The following PCDHGA3 variants were observed in gnomAD, a reference collection of about 807,000 sequenced individuals.
PCDHGA3 encodes protocadherin gamma subfamily A, 3.
Under a neutral mutation model 58.5 loss-of-function variants are expected in PCDHGA3, and 40 were observed. The observed-to-expected ratio is 0.68, with a 90% confidence interval of 0.53 to 0.89. PCDHGA3 has a LOEUF of 0.89. PCDHGA3 is among the 40% of genes least tolerant of loss of function. The pLI is 0.00. For missense variants in PCDHGA3, 1,223 were observed against 1,195.9 expected (o/e 1.02, Z -0.33); for synonymous variants, 530 against 525.7 (o/e 1.01, Z -0.11).
At chr5:141,478,236 TCA>T in intron 1 of PCDHGA3, 3 of 1,614,156 alleles carry the variant, frequency 1.9e-6, no homozygotes, top group Non-Finnish European at 2.5e-6. Flanking sequence ...GGGTTTGTGG[TCA>T]CAGTGTTCGG....
intron 1 of PCDHGA3, chr5:141,408,721 C>T (rs994778084): frequency 6.2e-7 from 1 of 1,611,372 alleles, no homozygotes; most frequent in Non-Finnish European, 8.5e-7. Flanking sequence ...ATAAGATAAA[C>T]TCTAATCCTT....
Position 141,399,737 on chromosome 5 carries a change from C to T in PCDHGA3, c.2424+53280C>T, listed in dbSNP as rs888467903. The T allele has an allele frequency of 2.5e-6, 4 of 1,613,296 alleles. No homozygotes were observed. In the South Asian group the frequency reaches 3.3e-5, roughly 13 times the overall value. On this transcript the variant is annotated intron_variant, in intron 1 of 3. Coordinates refer to ENST00000253812, the MANE Select transcript of PCDHGA3 (RefSeq NM_018916.4). Reference sequence around the variant, plus strand: ...CAGGCCCGCGACCAGGGCTCGCCTGCGCTCAGCGCAAACGTGAGCCTGCGC... The same window carrying T: ...CAGGCCCGCGACCAGGGCTCGCCTGTGCTCAGCGCAAACGTGAGCCTGCGC...
At chr5:141,484,789 A>T (rs1215899787) in intron 1 of PCDHGA3, among the ~76,000 whole-genome samples, 1 of 152,132 alleles carries the variant, frequency 6.6e-6, no homozygotes, top group Non-Finnish European at 1.5e-5. Flanking sequence ...CCACAGAGAT[A>T]ACAACCCGTG....
chr5:141,432,050 C>T lies in PCDHGA3; in HGVS notation c.2425-62757C>T. The stretch of plus-strand genomic sequence containing the variant: ...GACCGCCACTGACCGGGGAACCCCG[C>T]CCCTATCCACGGAAACTCATATCTC... On this transcript the variant is annotated intron_variant, in intron 1 of 3. Transcript: ENST00000253812. The surrounding 1 kb of genome is among the most constrained non-coding windows in gnomAD (Gnocchi z 6.0). The T allele has an allele frequency of 6.2e-7, 1 of 1,614,218 alleles. No individual in the cohort carries two copies. The highest frequency in any genetic ancestry group is 8.5e-7 in the Non-Finnish European group (1 of 1,180,044).
intron 1 of PCDHGA3, chr5:141,392,764 C>T (rs1589161528): frequency 1.4e-6 from 2 of 1,480,722 alleles, no homozygotes; most frequent in South Asian, 2.8e-5. Context: ...CTAAATAAGA[C>T]CCATTTATGC....
chr5:141,460,624 T>TA (rs1464862917), intron 1 of PCDHGA3, among the ~76,000 whole-genome samples: 2 of 152,128 alleles, frequency 1.3e-5, no homozygotes, highest in African/African-American at 4.8e-5. Context: ...GATAGACAGA[T>TA]ACAGATATAT....
At chr5:141,392,851 T>C in intron 1 of PCDHGA3, 1 of 1,611,148 alleles carries the variant, frequency 6.2e-7, no homozygotes, top group Non-Finnish European at 8.5e-7. Context: ...CGCGGCGAGC[T>C]GATCCTGCTG....
chr5:141,345,428 C>T lies in PCDHGA3; in HGVS notation c.1395C>T (p.Asn465=), dbSNP rs751595481. 2 of 1,614,082 alleles carry T rather than the reference C, an allele frequency of 1.2e-6. No homozygotes were observed. Among genetic ancestry groups the T allele is most frequent in the Admixed American group, 3.3e-5 (2 of 60,014 alleles). Residue 465 remains asparagine (N), a synonymous_variant, in exon 1 of 4, where the codon AAC becomes AAT. Transcript: ENST00000253812. ...LSYSAYIPEN[N]PRGASIFSVT... ...ACTCCGCCTACATTCCAGAAAACAA[C>T]CCCAGAGGAGCCTCCATCTTCTCAG...
chr5:141,408,694 A>T (rs2095152952), intron 1 of PCDHGA3: 1 of 1,613,772 alleles, frequency 6.2e-7, no homozygotes, highest in African/African-American at 1.3e-5. Flanking sequence ...ATATAAACAT[A>T]AACTCAATTA....
rs560582745 is a variant in PCDHGA3 at position 141,399,792 on chromosome 5, A to C, written c.2424+53335A>C. On this transcript the variant is annotated intron_variant, in intron 1 of 3. Transcript: ENST00000253812. ...TGGTGGGCGACCGAAACGACAACGCACCGCGGGTGCTGTACCCCGCGCTGG... is the reference window on the plus strand; with the variant it reads ...TGGTGGGCGACCGAAACGACAACGCCCCGCGGGTGCTGTACCCCGCGCTGG... 8 of 1,613,146 alleles carry C rather than the reference A, an allele frequency of 5.0e-6. No homozygotes were observed. The South Asian group carries it at 8.8e-5, about 18-fold the overall frequency.
At position 141,405,308 on chromosome 5, in the gene PCDHGA3, GA is replaced by G. The variant is rs776065617; in HGVS notation, c.2424+58852del. 15 of 1,614,096 alleles carry G rather than the reference GA, an allele frequency of 9.3e-6. No individual in the cohort carries two copies. The African/African-American group carries it at 1.9e-4, about 20-fold the overall frequency. On this transcript the variant is annotated intron_variant, in intron 1 of 3. Transcript: ENST00000253812. The stretch of plus-strand genomic sequence containing the variant: ...CACACTCATCAGCCAGCAGAGCTGT[GA>G]GAAAAATGAGCCTTTGTGCGTCTCT...
intron 1 of PCDHGA3, chr5:141,418,984 C>T: frequency 6.2e-7 from 1 of 1,613,930 alleles, no homozygotes; most frequent in African/African-American, 1.3e-5. Flanking sequence ...GGGACCAAGA[C>T]TCAGGGGAAA....
chr5:141,347,663 T>C (rs1757999011), intron 1 of PCDHGA3, among the ~76,000 whole-genome samples: 1 of 151,754 alleles, frequency 6.6e-6, no homozygotes, highest in African/African-American at 2.4e-5. Flanking sequence ...GGTGGGCGCC[T>C]GTAATCCAAG....
intron 1 of PCDHGA3, among the ~76,000 whole-genome samples, chr5:141,480,187 T>TGAGGCCAGCAGTTC (rs2099513839): frequency 6.6e-6 from 1 of 151,380 alleles, no homozygotes; most frequent in Admixed American, 6.6e-5. Context: ...GCGGATTGCT[T>TGAGGCCAGCAGTTC]GAGGCCAGCA....
chr5:141,390,399 G>A (rs545358089), intron 1 of PCDHGA3: 2 of 1,359,380 alleles, frequency 1.5e-6, no homozygotes, highest in Non-Finnish European at 2.0e-6. Context: ...GATCATTTTA[G>A]GAAAGTTGTA....
At chr5:141,481,472 A>G (rs2099538174) in intron 1 of PCDHGA3, among the ~76,000 whole-genome samples, 1 of 152,246 alleles carries the variant, frequency 6.6e-6, no homozygotes, top group Non-Finnish European at 1.5e-5. Context: ...CCATTGGATT[A>G]TACACTTTAA....
In PCDHGA3 at chr5:141,394,620, T is replaced by C. The variant is rs775736772; in HGVS notation, c.2424+48163T>C. The C allele has an allele frequency of 8.1e-6, 13 of 1,613,124 alleles. 1 individual carries two copies. In the South Asian group the frequency reaches 1.4e-4, roughly 18 times the overall value. ...GGACAGAGACTCGGGCCAGAACGCC[T>C]GGCTGTCCTACCGCCTGCTCAAGGC... On this transcript the variant is annotated intron_variant, in intron 1 of 3. Coordinates refer to ENST00000253812, the MANE Select transcript of PCDHGA3 (RefSeq NM_018916.4).
At position 141,477,984 on chromosome 5, in the gene PCDHGA3, T is replaced by A; in HGVS notation, c.2425-16823T>A. On this transcript the variant is annotated intron_variant, in intron 1 of 3. Coordinates refer to ENST00000253812, the MANE Select transcript of PCDHGA3 (RefSeq NM_018916.4). This position sits in a 1 kb window ranked among gnomAD's most constrained non-coding sequence, Gnocchi z 4.9. ...AACCAGAGCCTTTTTGCCATAGGGC[T>A]GCACACTGGTCAAATCAGTACTGCC... 6.2e-7 allele frequency: 1 copy of A among 1,614,146 alleles called. No homozygotes were observed. The highest frequency in any genetic ancestry group is 8.5e-7 in the Non-Finnish European group (1 of 1,180,028).
chr5:141,407,345 T>C (rs1025383467), intron 1 of PCDHGA3, among the ~76,000 whole-genome samples: 2 of 152,188 alleles, frequency 1.3e-5, no homozygotes, highest in African/African-American at 4.8e-5. Flanking sequence ...TGTATGTTAA[T>C]TTGGGGAAAA....
Sources: allele counts gnomAD v4.1 joint callset (sites outside exome capture counted in the v4.1 genomes callset), GRCh38; gene constraint gnomAD v4.1.1; non-coding constraint Gnocchi (gnomAD v3.1); transcripts MANE v1.5; gene names NCBI Gene and HGNC (gene_info 2026-07-23, HGNC 2026-07-21).